The following WBP4 variants were observed in gnomAD, a reference collection of about 807,000 sequenced individuals.
The protein encoded by WBP4 is WW domain-binding protein 4.
WBP4 carries 37 observed loss-of-function variants against 55.4 expected under a neutral mutation model. The ratio of observed to expected loss-of-function variants is 0.67; its 90% CI spans 0.51 to 0.88. The LOEUF (loss-of-function observed/expected upper bound fraction) is 0.88. Ranked by LOEUF, WBP4 falls within the 40% of genes least tolerant of loss-of-function variation. The pLI is 0.00. For synonymous variants in WBP4, 142 were observed against 140.2 expected, an observed-to-expected ratio of 1.01 and a Z score of -0.09; for missense variants, 398 against 420.8, an observed-to-expected ratio of 0.95 and a Z score of 0.47.
chr13:41,072,959 T>C, intron 7 of WBP4, 102 bp downstream of exon 7: 4 of 848,180 alleles, frequency 4.7e-6, no homozygotes, highest in Non-Finnish European at 7.3e-6. Context: ...TAGTATACAA[T>C]AAACATATTT....
rs552835039 is a variant in WBP4 at position 41,079,066 on chromosome 13, A to C, written c.757-1580A>C. 5.9e-4 allele frequency among the ~76,000 whole-genome samples: 90 copies of C among 152,334 alleles called. 1 individual carries two copies. The highest frequency in any genetic ancestry group is 1.0e-3 in the Non-Finnish European group (71 of 68,028). The stretch of plus-strand genomic sequence containing the variant: ...ACTGTTTGCAAACTATGCATCCAAC[A>C]CAGGACTAATATCCAGAATCCGCAA... On this transcript the variant is annotated intron_variant, in intron 8 of 9. Transcript: ENST00000379487.
intron 5 of WBP4, among the ~76,000 whole-genome samples, chr13:41,068,965 C>A (rs1000436321): frequency 6.6e-5 from 10 of 152,070 alleles, no homozygotes; most frequent in African/African-American, 1.9e-4. Flanking sequence ...GACTTTCTTA[C>A]AAATAAACTA....
intron 9 of WBP4, among the ~76,000 whole-genome samples, chr13:41,081,069 T>C (rs1878753959): frequency 1.3e-5 from 2 of 152,084 alleles, no homozygotes; most frequent in African/African-American, 4.8e-5. Flanking sequence ...TGGTGGCATG[T>C]AGCTGTGATC....
rs1160633300 is a variant in WBP4 at position 41,072,809 on chromosome 13, G to A, written c.514G>A (p.Gly172Ser). 1.9e-6 allele frequency: 3 copies of A among 1,613,368 alleles called. No individual in the cohort carries two copies. The highest frequency in any genetic ancestry group is 1.7e-6 in the Non-Finnish European group (2 of 1,179,698). Reference protein sequence around the residue: ...KTAVKTVWVEGLSEDGFTYYY... With the variant: ...KTAVKTVWVESLSEDGFTYYY... ...AGCAGTGAAGACCGTTTGGGTAGAA[G>A]GTTTAAGTGAAGATGGTTTTACCTA... is the stretch of plus-strand genomic sequence containing the variant. Residue 172 changes from glycine (G) to serine (S), a missense_variant, in exon 7 of 10, where the codon GGT (glycine) becomes AGT (serine). By Grantham distance (56) the Gly-to-Ser change is moderately conservative. Coordinates refer to ENST00000379487, the MANE Select transcript of WBP4 (RefSeq NM_007187.5).
In WBP4 at chr13:41,068,671, A is replaced by G. The variant is rs761206919; in HGVS notation, c.373A>G (p.Lys125Glu). The G allele has an allele frequency of 2.1e-5, 34 of 1,613,798 alleles. No homozygotes were observed. Among genetic ancestry groups the G allele is most frequent in the Non-Finnish European group, 2.9e-5 (34 of 1,179,898 alleles). Residue 125 changes from lysine (K) to glutamate (E), a missense_variant, in exon 5 of 10, where the codon AAG becomes GAG. By Grantham distance (56) the Lys-to-Glu change is moderately conservative. Transcript: ENST00000379487. The part of the protein sequence containing the change: ...EKKKRKKDPS[K>E]GRWVEGITSE... ...GAAGAAAAGAAAAAAAGATCCTTCA[A>G]AGGGCAGATGGGTAGAAGGCATAAC...
chr13:41,068,841 A>G, intron 5 of WBP4, 104 bp downstream of exon 5: 1 of 1,252,184 alleles, frequency 8.0e-7, no homozygotes, highest in South Asian at 2.3e-5. Flanking sequence ...CACTTTAAAT[A>G]GTGAAAGACC....
In WBP4 at chr13:41,061,526, A is replaced by G; in HGVS notation, c.-148A>G. The stretch of plus-strand genomic sequence containing the variant: ...GGGCACCCGTAGTTGGGAACAGCGG[A>G]ACGCTGGTCCCGGGGACTGAGTAAG... On this transcript the variant is annotated 5_prime_UTR_variant, in exon 1 of 10. Transcript: ENST00000379487. 3 of 1,279,108 alleles carry G rather than the reference A, an allele frequency of 2.3e-6. No individual in the cohort carries two copies. The South Asian group carries it at 3.8e-5, about 16-fold the overall frequency. The allele number at this position is 1,279,108 out of a possible 1,614,324, so 79.2% of individuals were successfully genotyped here. A position where few individuals can be genotyped will look rare whatever the true frequency, so the allele number is the denominator to read the frequency against.
chr13:41,070,018 T>G (rs1034578570), intron 5 of WBP4, among the ~76,000 whole-genome samples: 1 of 152,214 alleles, frequency 6.6e-6, no homozygotes, highest in South Asian at 2.1e-4. Flanking sequence ...ATTAATACAT[T>G]TATTCTACAT....
chr13:41,064,830 A>C (rs1223081375), intron 2 of WBP4, among the ~76,000 whole-genome samples, 186 bp from the exon 3 acceptor site: 2 of 152,174 alleles, frequency 1.3e-5, no homozygotes, highest in African/African-American at 4.8e-5. Context: ...GGACATAATA[A>C]TAAACAATGT....
intron 8 of WBP4, among the ~76,000 whole-genome samples, chr13:41,078,842 G>A (rs1016780838): frequency 3.3e-5 from 5 of 150,096 alleles, no homozygotes; most frequent in Admixed American, 3.3e-4. Context: ...AAAGAAAAAG[G>A]AAAAGAAAAA....
chr13:41,080,149 C>T (rs1223927803), intron 8 of WBP4, among the ~76,000 whole-genome samples: 1 of 152,166 alleles, frequency 6.6e-6, no homozygotes, highest in African/African-American at 2.4e-5. Context: ...AAAGCCCGTA[C>T]TTCACCATGA....
intron 7 of WBP4, among the ~76,000 whole-genome samples, chr13:41,073,798 C>G (rs1878355426): frequency 6.6e-6 from 1 of 152,098 alleles, no homozygotes; most frequent in Non-Finnish European, 1.5e-5. Flanking sequence ...CAGAGCAAGA[C>G]TGTCTCAAAA....
intron 4 of WBP4, among the ~76,000 whole-genome samples, chr13:41,067,545 GC>G (rs1785696079): frequency 6.6e-6 from 1 of 152,090 alleles, no homozygotes; most frequent in Non-Finnish European, 1.5e-5. Context: ...AATTAACTGG[GC>G]TTGGTGGTGC....
At position 41,080,747 on chromosome 13, in the gene WBP4, A is replaced by G. The variant is rs201344732; in HGVS notation, c.858A>G (p.Lys286=). ...NSLGSNEEKS[K]TLKKSNPYGE... is the part of the protein sequence containing the mutation. ...TAGGTTCAAATGAAGAAAAATCGAA[A>G]ACTCTTAAGAAATCAAACCCATATG... The change falls in exon 9 of 10, where the codon AAA becomes AAG. Residue 286 remains lysine (K), a synonymous_variant. Transcript: ENST00000379487. 6.3e-4 allele frequency: 1,013 copies of G among 1,605,656 alleles called. 6 individuals carry two copies. The highest frequency in any genetic ancestry group is 9.5e-5 in the Non-Finnish European group (112 of 1,178,244).
intron 9 of WBP4, 68 bp downstream of exon 9, chr13:41,080,877 T>TACTTACTGCAATTTAGG: frequency 6.7e-7 from 1 of 1,486,498 alleles, no homozygotes; most frequent in Non-Finnish European, 9.2e-7. Flanking sequence ...TTCCCTAAAT[T>TACTTACTGCAATTTAGG]GCAGTAAGTA....
intron 4 of WBP4, among the ~76,000 whole-genome samples, chr13:41,068,120 CT>C (rs1353197212): frequency 6.6e-6 from 1 of 151,960 alleles, no homozygotes; most frequent in African/African-American, 2.4e-5. Flanking sequence ...GTGATGGAAT[CT>C]GGACTTTTAG....
intron 1 of WBP4, 32 bp from the exon 2 acceptor site, chr13:41,062,612 A>G (rs764291447): frequency 1.9e-6 from 3 of 1,594,310 alleles, no homozygotes; most frequent in Admixed American, 1.8e-5. Flanking sequence ...TAAGTTTTAC[A>G]TGAGCTTAGC....
intron 1 of WBP4, 101 bp downstream of exon 1, chr13:41,061,776 G>T: frequency 1.3e-6 from 2 of 1,567,908 alleles, no homozygotes; most frequent in South Asian, 1.1e-5. Flanking sequence ...TTCGGCCGGG[G>T]GCGTGACAGA....
At chr13:41,066,650 A>T (rs1202198964) in intron 4 of WBP4, among the ~76,000 whole-genome samples, 1 of 152,212 alleles carries the variant, frequency 6.6e-6, no homozygotes, top group Non-Finnish European at 1.5e-5. Context: ...GACCACACAT[A>T]ACAAATGGTG....
Sources: allele counts gnomAD v4.1 joint callset (sites outside exome capture counted in the v4.1 genomes callset), GRCh38; gene constraint gnomAD v4.1.1; transcripts MANE v1.5; gene names NCBI Gene and HGNC (gene_info 2026-07-23, HGNC 2026-07-21).